TAS2R1: variants seen among roughly 807,000 people sequenced by gnomAD.
The protein encoded by TAS2R1 is taste 2 receptor member 1, also known as taste receptor type 2 member 1.
For synonymous variants in TAS2R1, 141 were observed against 134.2 expected (o/e 1.05, Z -0.35); for missense variants, 370 against 353.4 (o/e 1.05, Z -0.38).
the TAS2R1 span, among the ~76,000 whole-genome samples, chr5:9,886,330 C>CCT: frequency 1.0e-5 from 1 of 98,062 alleles, no homozygotes; most frequent in Non-Finnish European, 2.1e-5. Context: ...CTGCGCCCAG[C>CCT]ATTTTTTTTT....
At chr5:9,818,747 A>C in the TAS2R1 span, among the ~76,000 whole-genome samples, 1 of 152,184 alleles carries the variant, frequency 6.6e-6, no homozygotes, top group Non-Finnish European at 1.5e-5. Flanking sequence ...TCCATCCTGG[A>C]CCCAAGGGGT....
chr5:9,884,624 T>C, the TAS2R1 span, among the ~76,000 whole-genome samples: 3 of 152,322 alleles, frequency 2.0e-5, no homozygotes, highest in Middle Eastern at 3.4e-3. Context: ...CTATTATTTA[T>C]TACTAAAGTA....
At chr5:9,836,425 T>G in the TAS2R1 span, among the ~76,000 whole-genome samples, 16 of 152,096 alleles carry the variant, frequency 1.1e-4, no homozygotes, top group African/African-American at 3.9e-4. Flanking sequence ...GGCTGTCATG[T>G]GCATTGTGGG....
At chr5:9,698,038 C>T (rs946854931) in intron 1 of TAS2R1, among the ~76,000 whole-genome samples, 5 of 152,050 alleles carry the variant, frequency 3.3e-5, no homozygotes, top group African/African-American at 1.2e-4. Flanking sequence ...ACATCAGTCT[C>T]TACCTCACCA....
chr5:9,827,137 G>C, the TAS2R1 span, among the ~76,000 whole-genome samples: 1 of 152,128 alleles, frequency 6.6e-6, no homozygotes, highest in African/African-American at 2.4e-5. Context: ...ACCAGCTTGA[G>C]TTCATCACCT....
the TAS2R1 span, among the ~76,000 whole-genome samples, chr5:9,740,630 C>T: frequency 6.6e-6 from 1 of 152,180 alleles, no homozygotes; most frequent in Non-Finnish European, 1.5e-5. Context: ...CCCAGAGCAA[C>T]TGAAACACAC....
the TAS2R1 span, among the ~76,000 whole-genome samples, chr5:9,802,279 C>T: frequency 2.6e-5 from 4 of 152,148 alleles, no homozygotes; most frequent in Non-Finnish European, 5.9e-5. Flanking sequence ...CCAGTACCAG[C>T]CCAGAGCTCA....
chr5:9,867,577 G>A, the TAS2R1 span, among the ~76,000 whole-genome samples: 2 of 152,246 alleles, frequency 1.3e-5, no homozygotes, highest in South Asian at 4.1e-4. Flanking sequence ...GACACATTGG[G>A]GAATGTGGGA....
chr5:9,632,588 T>C (rs186857651), upstream of TAS2R1, among the ~76,000 whole-genome samples: 169 of 152,352 alleles, frequency 1.1e-3, 1 homozygote, highest in African/African-American at 3.8e-3. Flanking sequence ...TTAACTAAGT[T>C]TATGAAATGT....
chr5:9,780,838 G>C, the TAS2R1 span, among the ~76,000 whole-genome samples: 1 of 152,238 alleles, frequency 6.6e-6, no homozygotes, highest in Non-Finnish European at 1.5e-5. Flanking sequence ...CCTCAACTCT[G>C]TGAGGAATAG....
chr5:9,867,561 T>C, the TAS2R1 span, among the ~76,000 whole-genome samples: 1 of 152,150 alleles, frequency 6.6e-6, no homozygotes. Context: ...ACTAAGTCCC[T>C]TCCATGACAC....
the TAS2R1 span, among the ~76,000 whole-genome samples, chr5:9,745,563 A>G: frequency 6.6e-6 from 1 of 152,100 alleles, no homozygotes; most frequent in Non-Finnish European, 1.5e-5. Context: ...CTGGTACCAA[A>G]ACAGATACAC....
chr5:9,894,849 C>T, the TAS2R1 span, among the ~76,000 whole-genome samples: 1 of 152,214 alleles, frequency 6.6e-6, no homozygotes, highest in Admixed American at 6.5e-5. Flanking sequence ...GGCCAAGATA[C>T]AAAGCAAAGG....
chr5:9,673,783 C>T (rs75902614), intron 1 of TAS2R1, among the ~76,000 whole-genome samples: 49 of 152,002 alleles, frequency 3.2e-4, no homozygotes, highest in South Asian at 1.5e-3. Flanking sequence ...TGTGCACAAA[C>T]GAAATTCTTC....
At chr5:9,801,733 G>C in the TAS2R1 span, among the ~76,000 whole-genome samples, 1 of 152,182 alleles carries the variant, frequency 6.6e-6, no homozygotes, top group African/African-American at 2.4e-5. Context: ...GCTGCATCAG[G>C]AGGGGGCAAG....
chr5:9,802,324 A>G, the TAS2R1 span, among the ~76,000 whole-genome samples: 28 of 152,280 alleles, frequency 1.8e-4, 1 homozygote, highest in Middle Eastern at 6.8e-3. Context: ...CAGAAAAGCA[A>G]AAACAATCAC....
chr5:9,902,959 T>C, the TAS2R1 span, among the ~76,000 whole-genome samples: 2 of 151,960 alleles, frequency 1.3e-5, no homozygotes, highest in Non-Finnish European at 2.9e-5. Context: ...AAAAAAAATG[T>C]GTGAGTATGT....
the TAS2R1 span, among the ~76,000 whole-genome samples, chr5:9,747,812 C>CA: frequency 6.8e-6 from 1 of 146,198 alleles, no homozygotes; most frequent in East Asian, 2.0e-4. Flanking sequence ...AGATTTGTAA[C>CA]TTTTTTTTTT....
At chr5:9,635,961 C>CT (rs559085648) in intron 2 of TAS2R1, among the ~76,000 whole-genome samples, 81 of 151,654 alleles carry the variant, frequency 5.3e-4, no homozygotes, top group South Asian at 5.2e-3. Flanking sequence ...TTTGTTATTT[C>CT]TTTTTTTTCT....
Sources: allele counts gnomAD v4.1 joint callset (sites outside exome capture counted in the v4.1 genomes callset), GRCh38; gene constraint gnomAD v4.1.1; transcripts MANE v1.5; gene names NCBI Gene and HGNC (gene_info 2026-07-23, HGNC 2026-07-21).